The following DKK2 variants were observed in gnomAD, a reference collection of about 807,000 sequenced individuals.
DKK2 encodes dickkopf-related protein 2.
A neutral mutation model predicts 28.1 loss-of-function variants in DKK2; 11 were observed. The observed-to-expected ratio is 0.39, with a 90% confidence interval of 0.25 to 0.65. The LOEUF (loss-of-function observed/expected upper bound fraction) is 0.65, where lower values mean the gene tolerates loss of function less well. DKK2 is among the 30% of genes least tolerant of loss of function. DKK2 has a pLI of 0.47. For synonymous variants in DKK2, 135 were observed against 126.5 expected (o/e 1.07, Z -0.45); for missense variants, 326 against 335.5 (o/e 0.97, Z 0.22).
chr4:106,979,955 A>C (rs1281541551), intron 1 of DKK2, among the ~76,000 whole-genome samples: 1 of 152,258 alleles, frequency 6.6e-6, no homozygotes, highest in Non-Finnish European at 1.5e-5. Context: ...GTTTACTACA[A>C]TAAGTCTAAA....
chr4:106,934,327 T>A (rs1041944093), intron 1 of DKK2, among the ~76,000 whole-genome samples: 11 of 152,188 alleles, frequency 7.2e-5, no homozygotes, highest in African/African-American at 2.7e-4. Context: ...AAATGTCTTC[T>A]TGCTAGTTTA....
chr4:106,955,679 T>A (rs1402116776), intron 1 of DKK2, among the ~76,000 whole-genome samples: 1 of 152,128 alleles, frequency 6.6e-6, no homozygotes, highest in Non-Finnish European at 1.5e-5. Flanking sequence ...TGCAGCTAAA[T>A]CTAGATATAC....
intron 1 of DKK2, among the ~76,000 whole-genome samples, chr4:106,942,045 T>C (rs754688254): frequency 4.6e-5 from 7 of 152,066 alleles, no homozygotes; most frequent in Non-Finnish European, 8.8e-5. Flanking sequence ...GTGAACAACA[T>C]GGTACAGAGA....
At chr4:106,955,837 T>C (rs1450284375) in intron 1 of DKK2, among the ~76,000 whole-genome samples, 1 of 152,184 alleles carries the variant, frequency 6.6e-6, no homozygotes, top group Non-Finnish European at 1.5e-5. Context: ...ATTTGAAGTA[T>C]ATATTACCCT....
intron 1 of DKK2, 61 bp from the exon 2 acceptor site, chr4:106,926,010 A>G: frequency 1.3e-6 from 2 of 1,505,004 alleles, no homozygotes; most frequent in East Asian, 2.3e-5. Context: ...CTTATGAAAC[A>G]TTACTATAGC....
At chr4:106,978,573 T>C (rs1253397968) in intron 1 of DKK2, among the ~76,000 whole-genome samples, 1 of 152,054 alleles carries the variant, frequency 6.6e-6, no homozygotes, top group Admixed American at 6.6e-5. Context: ...GCCTCAGTAC[T>C]GGTGGATGCC....
chr4:106,967,517 T>C (rs957439357), intron 1 of DKK2, among the ~76,000 whole-genome samples: 1 of 152,048 alleles, frequency 6.6e-6, no homozygotes, highest in African/African-American at 2.4e-5. Context: ...GTAGGGATGG[T>C]GTGAGATGAG....
chr4:107,025,465 G>A (rs530360977), intron 1 of DKK2, among the ~76,000 whole-genome samples: 118 of 152,172 alleles, frequency 7.8e-4, no homozygotes, highest in Non-Finnish European at 1.4e-3. Context: ...TTAGGAGTGT[G>A]AGTGGAGGAG....
At chr4:106,939,747 A>G (rs374461666) in intron 1 of DKK2, among the ~76,000 whole-genome samples, 3 of 152,110 alleles carry the variant, frequency 2.0e-5, no homozygotes, top group Non-Finnish European at 4.4e-5. Context: ...CATGGTACTG[A>G]TACCAAAACA....
At chr4:106,980,274 C>T (rs906019920) in intron 1 of DKK2, among the ~76,000 whole-genome samples, 2 of 151,980 alleles carry the variant, frequency 1.3e-5, no homozygotes, top group Admixed American at 6.6e-5. Flanking sequence ...TATATACTTA[C>T]ATATATTAAT....
chr4:107,027,693 A>G (rs1723805955), intron 1 of DKK2, among the ~76,000 whole-genome samples: 1 of 151,796 alleles, frequency 6.6e-6, no homozygotes, highest in African/African-American at 2.4e-5. Flanking sequence ...ATGCTGTTCA[A>G]TTATTTTGGT....
At position 106,925,811 on chromosome 4, in the gene DKK2, G is replaced by A. The variant is rs1448472878; in HGVS notation, c.361C>T (p.Arg121Cys). ...HRDGMCCPSTRCNNGICIPVT... is the reference protein window; with the variant it reads ...HRDGMCCPSTCCNNGICIPVT... ...TGAGATCTTTTACCATTATTGCAGC[G>A]GGTACTGGGGCAGCACATGCCATCT... The change falls in exon 2 of 4, where the codon CGC (arginine) becomes TGC (cysteine). Residue 121 changes from arginine to cysteine, a missense_variant. Coordinates refer to ENST00000285311, the MANE Select transcript of DKK2 (RefSeq NM_014421.3). 26 of 1,608,552 alleles carry A rather than the reference G, an allele frequency of 1.6e-5. No homozygotes were observed. Among genetic ancestry groups the A allele is most frequent in the East Asian group, 6.7e-5 (3 of 44,812 alleles).
At chr4:107,032,293 A>T (rs371453245) in intron 1 of DKK2, among the ~76,000 whole-genome samples, 2 of 152,072 alleles carry the variant, frequency 1.3e-5, no homozygotes, top group East Asian at 3.8e-4. Flanking sequence ...AAATTGAGAA[A>T]TGTAACACCT....
chr4:106,931,098 T>C (rs527390935), intron 1 of DKK2, among the ~76,000 whole-genome samples: 28 of 152,266 alleles, frequency 1.8e-4, no homozygotes, highest in South Asian at 8.3e-4. Flanking sequence ...TGCTGTTGTA[T>C]ACTATCTGCC....
At chr4:107,028,222 G>A (rs1165809999) in intron 1 of DKK2, among the ~76,000 whole-genome samples, 4 of 152,136 alleles carry the variant, frequency 2.6e-5, no homozygotes, top group Non-Finnish European at 4.4e-5. Context: ...GTATGTGCAT[G>A]TTTATTTTGT....
In DKK2 at chr4:106,961,810, C is replaced by A. The variant is rs532638165; in HGVS notation, c.223-35861G>T. Among the ~76,000 whole-genome samples, 3 of 152,260 alleles carry A rather than the reference C, an allele frequency of 2.0e-5. No individual in the cohort carries two copies. In the South Asian group the frequency reaches 6.2e-4, roughly 32 times the overall value. ...TGACTTTGGGCAAGTTACCGCACCT[C>A]TCTGTGCATCTGTAAAATCTTACCA... On this transcript the variant is annotated intron_variant, in intron 1 of 3. Coordinates refer to ENST00000285311, the MANE Select transcript of DKK2 (RefSeq NM_014421.3).
rs1436719535 is a variant in DKK2 at position 106,923,322 on chromosome 4, T to A, written c.*632A>T. The A allele has an allele frequency of 1.3e-5, 2 of 152,262 alleles. No homozygotes were observed. The highest frequency in any genetic ancestry group is 4.8e-5 in the African/African-American group (2 of 41,468). The allele number at this position is 152,262 out of a possible 1,614,324, so 9.4% of individuals were successfully genotyped here. The stretch of plus-strand genomic sequence containing the variant: ...TTTGTTTGTTATTTATTTGTCTTCC[T>A]AAAGGCCTTCCTAAACAACTGGCCA... On this transcript the variant is annotated 3_prime_UTR_variant, in exon 4 of 4. Transcript: ENST00000285311.
intron 1 of DKK2, among the ~76,000 whole-genome samples, chr4:107,033,830 T>C (rs1723917144): frequency 6.6e-6 from 1 of 152,042 alleles, no homozygotes; most frequent in Non-Finnish European, 1.5e-5. Flanking sequence ...TAAGAAACTG[T>C]TAGGACCATT....
rs28516904 is a variant in DKK2, at chr4:106,935,308, G to A, written c.223-9359C>T. Among the ~76,000 whole-genome samples the A allele has an allele frequency of 1.4e-3, 213 of 152,328 alleles. 1 individual carries two copies. Among genetic ancestry groups the A allele is most frequent in the African/African-American group, 4.7e-3 (195 of 41,586 alleles). On this transcript the variant is annotated intron_variant, in intron 1 of 3. Coordinates refer to ENST00000285311, the MANE Select transcript of DKK2 (RefSeq NM_014421.3). ...CGAGGCATTGCCTCACTTGGGAAGC[G>A]CAAGGGGTCAGGGAGTTCCCTTTCC...
Sources: gnomAD v4.1 joint callset for allele counts (sites outside exome capture counted in the v4.1 genomes callset) on GRCh38, gnomAD v4.1.1 for gene constraint, MANE v1.5 for transcripts, NCBI Gene and HGNC (gene_info 2026-07-23, HGNC 2026-07-21) for gene names.